Variants in NR3C2 observed in about 807,000 individuals in gnomAD.
NR3C2 encodes the protein nuclear receptor subfamily 3 group C member 2.
In NR3C2, 15 loss-of-function variants were observed where a neutral mutation model predicts 86.4. That is an observed-to-expected ratio of 0.17 (90% CI 0.12 to 0.27). The LOEUF (loss-of-function observed/expected upper bound fraction) is 0.27, where lower values mean the gene tolerates loss of function less well. NR3C2 is among the 10% of genes least tolerant of loss of function. The pLI is 1.00. For missense variants in NR3C2, 960 were observed against 1,195.6 expected (o/e 0.80, Z 2.91); for synonymous variants, 458 against 450.5 (o/e 1.02, Z -0.21).
intron 8 of NR3C2, among the ~76,000 whole-genome samples, chr4:148,105,452 G>C (rs112606967): frequency 0.033 from 4,960 of 152,270 alleles, 265 homozygotes; most frequent in African/African-American, 0.11. Context: ...GAGGTACAAA[G>C]AGGAGCTAGT....
intron 8 of NR3C2, among the ~76,000 whole-genome samples, chr4:148,098,202 G>A (rs182465071): frequency 3.9e-5 from 6 of 152,240 alleles, no homozygotes; most frequent in East Asian, 3.9e-4. Context: ...ATTGCTGGTC[G>A]CAACTTTTTC....
At chr4:148,287,206 A>T (rs1356176214) in intron 2 of NR3C2, among the ~76,000 whole-genome samples, 1 of 152,176 alleles carries the variant, frequency 6.6e-6, no homozygotes, top group Non-Finnish European at 1.5e-5. Context: ...TTCTGATCAG[A>T]GCCATTACTA....
At chr4:148,351,558 C>T (rs1196484909) in intron 2 of NR3C2, among the ~76,000 whole-genome samples, 2 of 152,118 alleles carry the variant, frequency 1.3e-5, no homozygotes, top group African/African-American at 4.8e-5. Context: ...CAGTGGGATC[C>T]TGGAAAGAGC....
At chr4:148,175,614 TATGC>T (rs1031221306) in intron 4 of NR3C2, among the ~76,000 whole-genome samples, 5 of 152,260 alleles carry the variant, frequency 3.3e-5, no homozygotes, top group African/African-American at 1.2e-4. Flanking sequence ...TATATATTTA[TATGC>T]ATGCATTATA....
chr4:148,132,102 C>A (rs1578918311), intron 6 of NR3C2, among the ~76,000 whole-genome samples: 1 of 152,244 alleles, frequency 6.6e-6, no homozygotes, highest in Non-Finnish European at 1.5e-5. Flanking sequence ...CTTCAGGGTA[C>A]AAGGATATAT....
At chr4:148,327,237 C>T (rs1452227264) in intron 2 of NR3C2, among the ~76,000 whole-genome samples, 1 of 152,102 alleles carries the variant, frequency 6.6e-6, no homozygotes, top group Non-Finnish European at 1.5e-5. Context: ...CAATGCAGCA[C>T]TGATTTGTCT....
chr4:148,427,095 C>T (rs1018705495), intron 2 of NR3C2, among the ~76,000 whole-genome samples: 18 of 152,022 alleles, frequency 1.2e-4, no homozygotes, highest in African/African-American at 4.1e-4. Flanking sequence ...GCTAGGATTA[C>T]AGACACAAAT....
intron 2 of NR3C2, among the ~76,000 whole-genome samples, chr4:148,325,021 C>T (rs1043181083): frequency 2.0e-5 from 3 of 151,998 alleles, no homozygotes; most frequent in South Asian, 2.1e-4. Context: ...CTGGATTATT[C>T]GTATAACCAT....
chr4:148,371,094 G>A lies in NR3C2; in HGVS notation c.1757+64010C>T, dbSNP rs1023871439. Among the ~76,000 whole-genome samples, 9 of 152,132 alleles carry A rather than the reference G, an allele frequency of 5.9e-5. No homozygotes were observed. The South Asian group carries it at 8.3e-4, about 14-fold the overall frequency. On this transcript the variant is annotated intron_variant, in intron 2 of 8. Coordinates refer to ENST00000358102, the MANE Select transcript of NR3C2 (RefSeq NM_000901.5). ...AGGTATATATATTTATGGGTTATAC[G>A]AGTTACTTTGATAGAGGCATGCAGT...
intron 2 of NR3C2, among the ~76,000 whole-genome samples, chr4:148,351,094 A>C (rs1745249919): frequency 1.3e-5 from 2 of 152,086 alleles, no homozygotes; most frequent in African/African-American, 4.8e-5. Context: ...TTGCATATGC[A>C]ATCTAATCTT....
chr4:148,203,172 G>A (rs1244601672), intron 3 of NR3C2, among the ~76,000 whole-genome samples: 1 of 152,072 alleles, frequency 6.6e-6, no homozygotes, highest in East Asian at 1.9e-4. Context: ...TAATAAATCT[G>A]AGGGTTTGGT....
intron 2 of NR3C2, among the ~76,000 whole-genome samples, chr4:148,262,396 C>T (rs1370802219): frequency 1.3e-5 from 2 of 152,030 alleles, no homozygotes; most frequent in African/African-American, 4.8e-5. Context: ...CTAGCCCAGA[C>T]CCCTCCCTGG....
At chr4:148,155,271 T>C (rs1210224457) in intron 4 of NR3C2, among the ~76,000 whole-genome samples, 1 of 152,180 alleles carries the variant, frequency 6.6e-6, no homozygotes, top group African/African-American at 2.4e-5. Flanking sequence ...TGCACCGCAG[T>C]GCAGGTAGAG....
chr4:148,295,582 G>A (rs919580108), intron 2 of NR3C2, among the ~76,000 whole-genome samples: 1 of 149,758 alleles, frequency 6.7e-6, no homozygotes, highest in Non-Finnish European at 1.5e-5. Flanking sequence ...TAGCCTGTAA[G>A]GCCATGCCTC....
intron 2 of NR3C2, among the ~76,000 whole-genome samples, chr4:148,308,445 A>G (rs1221653199): frequency 6.6e-6 from 1 of 152,146 alleles, no homozygotes; most frequent in Non-Finnish European, 1.5e-5. Context: ...TACTCTAAAA[A>G]AACTACATGA....
At chr4:148,237,581 T>A (rs13118475) in intron 3 of NR3C2, among the ~76,000 whole-genome samples, 1 of 151,822 alleles carries the variant, frequency 6.6e-6, no homozygotes, top group Non-Finnish European at 1.5e-5. Flanking sequence ...TGGCACAATT[T>A]TATGAACTTA....
At chr4:148,415,300 A>G (rs1748937376) in intron 2 of NR3C2, among the ~76,000 whole-genome samples, 1 of 152,242 alleles carries the variant, frequency 6.6e-6, no homozygotes, top group African/African-American at 2.4e-5. Flanking sequence ...AGGAGGAAAG[A>G]TCATTAATAT....
chr4:148,141,442 T>TCACA (rs112250631), intron 6 of NR3C2, among the ~76,000 whole-genome samples: 15 of 143,294 alleles, frequency 1.0e-4, no homozygotes, highest in African/African-American at 4.2e-4. Context: ...TCTCTCCCTC[T>TCACA]CTCTCACACA....
At chr4:148,101,674 C>T (rs367825332) in intron 8 of NR3C2, among the ~76,000 whole-genome samples, 4 of 152,286 alleles carry the variant, frequency 2.6e-5, no homozygotes, top group African/African-American at 7.2e-5. Context: ...AATAGAGTTT[C>T]GGGATTATTT....
Sources: gnomAD v4.1 joint callset for allele counts (sites outside exome capture counted in the v4.1 genomes callset) on GRCh38, gnomAD v4.1.1 for gene constraint, MANE v1.5 for transcripts, NCBI Gene and HGNC (gene_info 2026-07-23, HGNC 2026-07-21) for gene names.